MSRA: variants seen among roughly 807,000 people sequenced by gnomAD.
MSRA encodes methionine sulfoxide reductase A.
Under a neutral mutation model 31.3 loss-of-function variants are expected in MSRA, and 54 were observed. That is an observed-to-expected ratio of 1.73 (90% CI 1.39 to 2.17). MSRA has a LOEUF of 2.17. Among genes scored for constraint, MSRA ranks in the 30% most tolerant of loss-of-function variants. The probability of loss-of-function intolerance (pLI) is 0.00; values close to 1 mark genes in which losing one functional copy is unlikely to be tolerated. For synonymous variants in MSRA, 169 were observed against 116.5 expected (o/e 1.45, Z -2.90); for missense variants, 507 against 300.9 (o/e 1.69, Z -5.07).
At chr8:10,323,124 T>C (rs999953443) in intron 5 of MSRA, among the ~76,000 whole-genome samples, 1 of 148,722 alleles carries the variant, frequency 6.7e-6, no homozygotes, top group African/African-American at 2.5e-5. Flanking sequence ...AAGAGAGGGC[T>C]TAGTACCCGA....
chr8:10,207,089 T>C (rs570019430), intron 1 of MSRA, among the ~76,000 whole-genome samples: 1 of 152,346 alleles, frequency 6.6e-6, no homozygotes, highest in South Asian at 2.1e-4. Context: ...TAGAAAATGC[T>C]CATAGATGGG....
intron 1 of MSRA, among the ~76,000 whole-genome samples, chr8:10,185,409 A>G (rs967502296): frequency 6.6e-6 from 1 of 152,136 alleles, no homozygotes; most frequent in African/African-American, 2.4e-5. Flanking sequence ...AGGCAAAACG[A>G]TCTGATGATG....
chr8:10,167,620 T>C (rs886744941), intron 1 of MSRA, among the ~76,000 whole-genome samples: 12 of 152,136 alleles, frequency 7.9e-5, no homozygotes, highest in Non-Finnish European at 2.9e-5. Context: ...TTCAAAGGAC[T>C]GCAGAGGAGG....
intron 2 of MSRA, among the ~76,000 whole-genome samples, chr8:10,218,862 G>A (rs889264464): frequency 1.3e-5 from 2 of 152,214 alleles, no homozygotes; most frequent in African/African-American, 4.8e-5. Context: ...TGAAAATAGA[G>A]CCACAGTACA....
intron 1 of MSRA, among the ~76,000 whole-genome samples, chr8:10,084,702 C>A (rs984346641): frequency 1.3e-5 from 2 of 152,128 alleles, no homozygotes; most frequent in African/African-American, 4.8e-5. Flanking sequence ...GATTAAATGA[C>A]ACAGAAGGAG....
At chr8:10,380,628 C>G (rs1806010809) in intron 5 of MSRA, among the ~76,000 whole-genome samples, 1 of 152,126 alleles carries the variant, frequency 6.6e-6, no homozygotes, top group South Asian at 2.1e-4. Context: ...GACTGAGGGC[C>G]ATTTTTTCAT....
chr8:10,334,857 C>G (rs1272050704), intron 5 of MSRA, among the ~76,000 whole-genome samples: 1 of 152,260 alleles, frequency 6.6e-6, no homozygotes, highest in African/African-American at 2.4e-5. Flanking sequence ...CGCCACCCCT[C>G]CCCCGCTCTG....
chr8:10,354,750 GTATATATATATATA>G (rs754778002), intron 5 of MSRA, among the ~76,000 whole-genome samples: 3 of 138,404 alleles, frequency 2.2e-5, no homozygotes, highest in African/African-American at 8.3e-5. Flanking sequence ...GTGTGTGTGT[GTATATATATATATA>G]TATATATATA....
At chr8:10,377,802 A>G (rs1805835717) in intron 5 of MSRA, among the ~76,000 whole-genome samples, 1 of 152,200 alleles carries the variant, frequency 6.6e-6, no homozygotes, top group Non-Finnish European at 1.5e-5. Flanking sequence ...GTGAACAGCC[A>G]CGTGCTGGGT....
chr8:10,098,092 G>C (rs1268059297), intron 1 of MSRA, among the ~76,000 whole-genome samples: 1 of 152,070 alleles, frequency 6.6e-6, no homozygotes, highest in Non-Finnish European at 1.5e-5. Flanking sequence ...AAGACATTTA[G>C]TTGTAACATA....
At chr8:10,082,809 CTG>C (rs1200388166) in intron 1 of MSRA, among the ~76,000 whole-genome samples, 1 of 152,184 alleles carries the variant, frequency 6.6e-6, no homozygotes, top group African/African-American at 2.4e-5. Context: ...GAAGGGGGCA[CTG>C]TGTTCACTCT....
At chr8:10,244,078 C>T (rs1163907234) in intron 2 of MSRA, among the ~76,000 whole-genome samples, 1 of 152,086 alleles carries the variant, frequency 6.6e-6, no homozygotes, top group Non-Finnish European at 1.5e-5. Flanking sequence ...TCAGCTCTGT[C>T]GTCAAATCTG....
chr8:10,112,795 T>C (rs964658590), intron 1 of MSRA, among the ~76,000 whole-genome samples: 12 of 151,874 alleles, frequency 7.9e-5, no homozygotes, highest in Non-Finnish European at 1.5e-5. Context: ...GTTTTTCTCT[T>C]TCTCAAACTT....
intron 1 of MSRA, among the ~76,000 whole-genome samples, chr8:10,182,841 A>G (rs1218203995): frequency 6.6e-6 from 1 of 152,192 alleles, no homozygotes; most frequent in Non-Finnish European, 1.5e-5. Context: ...ACTTAATCAC[A>G]TAAGCGGCTG....
At chr8:10,370,940 G>T (rs1048183484) in intron 5 of MSRA, among the ~76,000 whole-genome samples, 1 of 152,168 alleles carries the variant, frequency 6.6e-6, no homozygotes, top group Non-Finnish European at 1.5e-5. Context: ...ACACACGCTC[G>T]TGGGCAGGTC....
chr8:10,293,471 C>T (rs912502872), intron 3 of MSRA, among the ~76,000 whole-genome samples: 8 of 152,350 alleles, frequency 5.3e-5, no homozygotes, highest in South Asian at 4.1e-4. Flanking sequence ...TAGCGCCCAC[C>T]AATGCTCTCC....
In MSRA at chr8:10,398,086, A is replaced by G. The variant is rs368527789; in HGVS notation, c.544-30062A>G. Among the ~76,000 whole-genome samples the G allele has an allele frequency of 1.2e-4, 18 of 152,352 alleles. No individual in the cohort carries two copies. The East Asian group carries it at 2.3e-3, about 20-fold the overall frequency. On this transcript the variant is annotated intron_variant, in intron 5 of 5. Coordinates refer to ENST00000317173, the MANE Select transcript of MSRA (RefSeq NM_012331.5). ...TGTGTAAAAATCTACTTTGGAGTCT[A>G]TTAAAATTTGGGACCCCACTATCCA...
At chr8:10,071,078 C>G (rs774123647) in intron 1 of MSRA, among the ~76,000 whole-genome samples, 1 of 152,200 alleles carries the variant, frequency 6.6e-6, no homozygotes, top group Admixed American at 6.5e-5. Flanking sequence ...AAGAAACTGC[C>G]AAACTGTTTC....
chr8:10,093,878 C>T (rs1344363551), intron 1 of MSRA, among the ~76,000 whole-genome samples: 2 of 152,122 alleles, frequency 1.3e-5, no homozygotes, highest in Admixed American at 6.6e-5. Flanking sequence ...GTTTTGCTGA[C>T]ATAGAATTCT....
Sources: allele counts gnomAD v4.1 joint callset (sites outside exome capture counted in the v4.1 genomes callset), GRCh38; gene constraint gnomAD v4.1.1; transcripts MANE v1.5; gene names NCBI Gene and HGNC (gene_info 2026-07-23, HGNC 2026-07-21).